HNMT: variants seen among roughly 807,000 people sequenced by gnomAD.
HNMT encodes the protein histamine N-methyltransferase.
In HNMT, 30 loss-of-function variants were observed where a neutral mutation model predicts 32.1. The ratio of observed to expected loss-of-function variants is 0.93; its 90% CI spans 0.70 to 1.27. The LOEUF (loss-of-function observed/expected upper bound fraction) is 1.27, where lower values mean the gene tolerates loss of function less well. HNMT is among the 50% of genes most tolerant of loss of function. HNMT has a pLI of 0.00. For missense variants in HNMT, 327 were observed against 346.0 expected, an observed-to-expected ratio of 0.95 and a Z score of 0.43; for synonymous variants, 125 against 119.0, an observed-to-expected ratio of 1.05 and a Z score of -0.33.
rs368926068 is a variant in HNMT, at chr2:138,003,859, T to C, written c.430-1273T>C. Among the ~76,000 whole-genome samples the C allele has an allele frequency of 1.2e-4, 18 of 152,176 alleles. No homozygotes were observed. The East Asian group carries it at 2.9e-3, about 25-fold the overall frequency. ...TCCCTCTGCTTAACCCTGGATCCCA[T>C]TCTTTTCTCTGTTATAAATATTGTG... On this transcript the variant is annotated intron_variant, in intron 4 of 5. Transcript: ENST00000280097.
intron 1 of HNMT, among the ~76,000 whole-genome samples, chr2:137,965,072 C>T (rs1390180903): frequency 6.6e-6 from 1 of 152,152 alleles, no homozygotes; most frequent in Non-Finnish European, 1.5e-5. Context: ...TGCCTCAGTT[C>T]TCATAATATC....
chr2:137,978,732 A>T (rs1170425853), intron 2 of HNMT, among the ~76,000 whole-genome samples: 5 of 136,664 alleles, frequency 3.7e-5, no homozygotes, highest in Non-Finnish European at 7.7e-5. Context: ...ACATATGATT[A>T]TATAATATAG....
At chr2:137,986,202 T>G (rs192754353) in intron 2 of HNMT, among the ~76,000 whole-genome samples, 163 of 150,972 alleles carry the variant, frequency 1.1e-3, no homozygotes, top group African/African-American at 3.8e-3. Context: ...CCTGTAGTAA[T>G]TAGTCAGGGT....
chr2:137,995,394 A>C (rs1395189885), intron 2 of HNMT, among the ~76,000 whole-genome samples: 1 of 152,094 alleles, frequency 6.6e-6, no homozygotes. Context: ...ACACCTCTAC[A>C]CAAATAAACT....
chr2:137,992,385 G>A (rs980109923), intron 2 of HNMT, among the ~76,000 whole-genome samples: 1 of 152,198 alleles, frequency 6.6e-6, no homozygotes, highest in Non-Finnish European at 1.5e-5. Context: ...TTGGAGACAG[G>A]GAGGCTGGAC....
chr2:137,967,033 A>C, intron 1 of HNMT: 1 of 778,246 alleles, frequency 1.3e-6, no homozygotes, highest in Non-Finnish European at 2.4e-6. Context: ...GACTGGATAT[A>C]GAACTCTATA....
chr2:137,965,826 C>T (rs1021676090), intron 1 of HNMT, among the ~76,000 whole-genome samples: 130 of 152,276 alleles, frequency 8.5e-4, no homozygotes, highest in African/African-American at 2.9e-3. Flanking sequence ...TGGTTTTCTT[C>T]AGCCATACAC....
intron 2 of HNMT, among the ~76,000 whole-genome samples, chr2:137,985,979 ATAAAAT>A (rs979458434): frequency 7.2e-5 from 11 of 152,134 alleles, no homozygotes; most frequent in Admixed American, 2.0e-4. Context: ...AAAAAATAAA[ATAAAAT>A]TAAAATTAAA....
chr2:138,004,569 C>G (rs1347565957), intron 4 of HNMT, among the ~76,000 whole-genome samples: 2 of 151,878 alleles, frequency 1.3e-5, no homozygotes, highest in Admixed American at 6.6e-5. Flanking sequence ...GTGTCCTGAC[C>G]CCTAAACACC....
intron 2 of HNMT, among the ~76,000 whole-genome samples, chr2:137,975,767 A>G (rs1184973958): frequency 6.6e-6 from 1 of 152,248 alleles, no homozygotes; most frequent in African/African-American, 2.4e-5. Flanking sequence ...ATGTTTACCA[A>G]TGATCCATAG....
intron 3 of HNMT, among the ~76,000 whole-genome samples, chr2:138,001,239 T>C (rs1440460978): frequency 6.6e-6 from 1 of 152,224 alleles, no homozygotes; most frequent in Non-Finnish European, 1.5e-5. Flanking sequence ...CTTCATCCAT[T>C]CCCCAGTTGT....
chr2:138,001,412 G>A (rs1681168063), intron 3 of HNMT, among the ~76,000 whole-genome samples: 1 of 152,134 alleles, frequency 6.6e-6, no homozygotes, highest in Non-Finnish European at 1.5e-5. Context: ...GATTCAGAAG[G>A]TCAATTCAGT....
chr2:138,002,320 G>C (rs1401606464), intron 4 of HNMT, 126 bp downstream of exon 4: 65 of 1,108,704 alleles, frequency 5.9e-5, no homozygotes, highest in Non-Finnish European at 7.3e-5. Context: ...TTTTACAAGT[G>C]ACCATGATCT....
At chr2:138,000,192 A>G (rs1681118431) in intron 2 of HNMT, among the ~76,000 whole-genome samples, 1 of 152,106 alleles carries the variant, frequency 6.6e-6, no homozygotes, top group African/African-American at 2.4e-5. Flanking sequence ...CTGTACCTGC[A>G]ATCCCTCACT....
At chr2:137,974,867 A>C (rs1304387029) in intron 2 of HNMT, among the ~76,000 whole-genome samples, 1 of 152,184 alleles carries the variant, frequency 6.6e-6, no homozygotes, top group Non-Finnish European at 1.5e-5. Flanking sequence ...TATTTTTTGT[A>C]ATAATTTTTC....
chr2:137,995,232 C>A (rs906434696), intron 2 of HNMT, among the ~76,000 whole-genome samples: 2 of 151,764 alleles, frequency 1.3e-5, no homozygotes, highest in African/African-American at 4.8e-5. Flanking sequence ...AGTCCAGGAG[C>A]TGGTTTTTTG....
chr2:137,998,245 A>T (rs1270268426), intron 2 of HNMT, among the ~76,000 whole-genome samples: 1 of 152,190 alleles, frequency 6.6e-6, no homozygotes, highest in Non-Finnish European at 1.5e-5. Flanking sequence ...GAGTAGGTAA[A>T]ATAATTAAAA....
intron 5 of HNMT, among the ~76,000 whole-genome samples, chr2:138,010,605 A>T (rs1681474698): frequency 6.6e-6 from 1 of 152,096 alleles, no homozygotes; most frequent in Admixed American, 6.6e-5. Flanking sequence ...TGGTCAGCTT[A>T]TGGAAATATA....
chr2:137,977,920 C>G (rs1287830049), intron 2 of HNMT, among the ~76,000 whole-genome samples: 1 of 151,990 alleles, frequency 6.6e-6, no homozygotes, highest in African/African-American at 2.4e-5. Context: ...CCCACCTTGC[C>G]TCCCCACCCC....
Sources: gnomAD v4.1 joint callset for allele counts (sites outside exome capture counted in the v4.1 genomes callset) on GRCh38, gnomAD v4.1.1 for gene constraint, MANE v1.5 for transcripts, NCBI Gene and HGNC (gene_info 2026-07-23, HGNC 2026-07-21) for gene names.